Variants in LOC128462377 observed in about 807,000 individuals in gnomAD.
chr16:89,336,427 G>A, the LOC128462377 span, among the ~76,000 whole-genome samples: 1 of 152,262 alleles, frequency 6.6e-6, no homozygotes, highest in Admixed American at 6.5e-5. Flanking sequence ...TTTGCTGTGG[G>A]CTTCTGTGGT....
chr16:89,337,008 A>C, the LOC128462377 span, among the ~76,000 whole-genome samples: 5 of 22,122 alleles, frequency 2.3e-4, no homozygotes, highest in South Asian at 3.1e-3. Context: ...TGGCTCTACC[A>C]AAAAAAAAAA....
the LOC128462377 span, among the ~76,000 whole-genome samples, chr16:89,322,498 T>C: frequency 6.6e-6 from 1 of 152,160 alleles, no homozygotes; most frequent in Non-Finnish European, 1.5e-5. Flanking sequence ...GCACGTGGCC[T>C]CAGAGGCCCA....
the LOC128462377 span, among the ~76,000 whole-genome samples, chr16:89,337,872 G>A: frequency 1.3e-5 from 2 of 152,302 alleles, no homozygotes; most frequent in South Asian, 4.1e-4. Context: ...TAATGGTGTG[G>A]TCTTCAGTCT....
At chr16:89,355,864 C>T in the LOC128462377 span, among the ~76,000 whole-genome samples, 275 of 152,222 alleles carry the variant, frequency 1.8e-3, 2 homozygotes, top group African/African-American at 5.8e-3. Context: ...GCAGAGTGAC[C>T]GATGAGATAA....
the LOC128462377 span, among the ~76,000 whole-genome samples, chr16:89,344,216 C>T: frequency 2.6e-5 from 4 of 152,176 alleles, no homozygotes; most frequent in African/African-American, 7.2e-5. Flanking sequence ...TAGGGCTTAA[C>T]GATCCATTTC....
chr16:89,341,910 G>GCCACGGC, the LOC128462377 span, among the ~76,000 whole-genome samples: 1 of 150,856 alleles, frequency 6.6e-6, no homozygotes, highest in Non-Finnish European at 1.5e-5. Flanking sequence ...ACCCACAGCG[G>GCCACGGC]CCACGGCCCA....
At chr16:89,330,111 G>A in the LOC128462377 span, among the ~76,000 whole-genome samples, 1 of 152,052 alleles carries the variant, frequency 6.6e-6, no homozygotes, top group Non-Finnish European at 1.5e-5. Flanking sequence ...AAATATACTT[G>A]AATGACATTA....
At chr16:89,409,176 T>G in the LOC128462377 span, among the ~76,000 whole-genome samples, 1 of 152,178 alleles carries the variant, frequency 6.6e-6, no homozygotes, top group Non-Finnish European at 1.5e-5. Context: ...GCCGACGGTC[T>G]GAGGAAATGA....
chr16:89,385,330 T>C, the LOC128462377 span, among the ~76,000 whole-genome samples: 20 of 151,932 alleles, frequency 1.3e-4, no homozygotes, highest in Admixed American at 5.9e-4. Context: ...TGTTTTGCCA[T>C]GTTGGCCGGG....
the LOC128462377 span, among the ~76,000 whole-genome samples, chr16:89,353,205 G>A: frequency 6.6e-6 from 1 of 151,990 alleles, no homozygotes; most frequent in African/African-American, 2.4e-5. Flanking sequence ...AGCCGTGCAT[G>A]GTGGCAGACG....
chr16:89,339,490 G>C, the LOC128462377 span, among the ~76,000 whole-genome samples: 18 of 152,338 alleles, frequency 1.2e-4, no homozygotes, highest in South Asian at 3.5e-3. Context: ...CAGCGCATGT[G>C]AAGAGTCAGA....
chr16:89,335,012 T>A, the LOC128462377 span, among the ~76,000 whole-genome samples: 1 of 152,084 alleles, frequency 6.6e-6, no homozygotes, highest in African/African-American at 2.4e-5. Context: ...ATGAGCTCTA[T>A]CGTATGTGCA....
the LOC128462377 span, among the ~76,000 whole-genome samples, chr16:89,380,168 G>A: frequency 2.6e-5 from 4 of 152,058 alleles, no homozygotes; most frequent in East Asian, 1.9e-4. Context: ...GCTGGAGAGC[G>A]ATGGCGTGAT....
chr16:89,410,943 G>T, the LOC128462377 span, among the ~76,000 whole-genome samples: 1 of 152,248 alleles, frequency 6.6e-6, no homozygotes, highest in African/African-American at 2.4e-5. Flanking sequence ...GGCAGCTCCT[G>T]CTGCCAAAGT....
At chr16:89,365,920 C>T in the LOC128462377 span, among the ~76,000 whole-genome samples, 2 of 152,188 alleles carry the variant, frequency 1.3e-5, no homozygotes, top group Admixed American at 1.3e-4. Flanking sequence ...TCCACGTGTT[C>T]TCATCATTTC....
the LOC128462377 span, among the ~76,000 whole-genome samples, chr16:89,391,336 G>A: frequency 1.3e-5 from 2 of 152,156 alleles, no homozygotes; most frequent in Non-Finnish European, 2.9e-5. Context: ...GCTTGCGGTG[G>A]GTGCTGGAGT....
the LOC128462377 span, among the ~76,000 whole-genome samples, chr16:89,374,643 C>T: frequency 4.6e-5 from 7 of 152,162 alleles, no homozygotes; most frequent in Non-Finnish European, 1.0e-4. Flanking sequence ...CCATCTCCCG[C>T]GTGCTACGAT....
At chr16:89,360,876 T>C in the LOC128462377 span, 1 of 152,310 alleles carries the variant, frequency 6.6e-6, no homozygotes, top group South Asian at 2.1e-4. Context: ...TGCATGTGGT[T>C]AAGACCTGCA....
the LOC128462377 span, among the ~76,000 whole-genome samples, chr16:89,345,591 T>G: frequency 6.6e-6 from 1 of 152,236 alleles, no homozygotes; most frequent in Non-Finnish European, 1.5e-5. Context: ...TCTCAGGCAT[T>G]TTGTTACAGC....
Sources: gnomAD v4.1 joint callset for allele counts (sites outside exome capture counted in the v4.1 genomes callset) on GRCh38, gnomAD v4.1.1 for gene constraint, MANE v1.5 for transcripts.